Variants in KIF5A observed in about 807,000 individuals in gnomAD.
KIF5A encodes kinesin heavy chain isoform 5A.
KIF5A carries 35 observed loss-of-function variants against 141.3 expected under a neutral mutation model. That is an observed-to-expected ratio of 0.25 (90% confidence interval 0.19 to 0.33). KIF5A has a LOEUF of 0.33. Ranked by LOEUF, KIF5A falls within the 10% of genes least tolerant of loss-of-function variation. The pLI is 1.00. For missense variants in KIF5A, 861 were observed against 1,314.3 expected (o/e 0.66, Z 5.33); for synonymous variants, 448 against 500.2 (o/e 0.90, Z 1.39).
chr12:57,559,818 T>C (rs1039241663), intron 1 of KIF5A, among the ~76,000 whole-genome samples: 3 of 152,228 alleles, frequency 2.0e-5, no homozygotes, highest in African/African-American at 7.2e-5. Context: ...TCTTTTGTGT[T>C]TGGATTCTTT....
At chr12:57,566,278 A>G (rs146882514) in intron 6 of KIF5A, among the ~76,000 whole-genome samples, 1 of 151,334 alleles carries the variant, frequency 6.6e-6, no homozygotes, top group Non-Finnish European at 1.5e-5. Flanking sequence ...TTATTTTTGT[A>G]TTTTTAGTAG....
At chr12:57,569,121 C>T (rs111984710) in intron 9 of KIF5A, 54 bp downstream of exon 9, 7 of 1,556,066 alleles carry the variant, frequency 4.5e-6, no homozygotes, top group South Asian at 2.2e-5. Flanking sequence ...TCTCCTCCCC[C>T]ACCTGCTAAT....
At position 57,563,504 on chromosome 12, in the gene KIF5A, A is replaced by G; in HGVS notation, c.195A>G (p.Ala65=). The change falls in exon 2 of 29, where the codon GCA becomes GCG. Residue 65 remains alanine, a synonymous_variant. Transcript: ENST00000455537. ...PNTTQEQVYH[A]CAMQIVKDVL... ...CGACTCAAGAGCAAGTTTATCATGCATGTGCCATGCAGATTGTCAAAGGTA... is the reference window on the plus strand; with the variant it reads ...CGACTCAAGAGCAAGTTTATCATGCGTGTGCCATGCAGATTGTCAAAGGTA... The G allele has an allele frequency of 1.2e-6, 2 of 1,613,748 alleles. No homozygotes were observed. The highest frequency in any genetic ancestry group is 1.7e-6 in the Non-Finnish European group (2 of 1,179,674).
chr12:57,557,546 T>C (rs1241723382), intron 1 of KIF5A, among the ~76,000 whole-genome samples: 1 of 152,040 alleles, frequency 6.6e-6, no homozygotes, highest in African/African-American at 2.4e-5. Context: ...TAATTTGATG[T>C]ATTTTTCCAG....
At chr12:57,566,594 G>A (rs753025567) in intron 6 of KIF5A, among the ~76,000 whole-genome samples, 18 of 151,470 alleles carry the variant, frequency 1.2e-4, no homozygotes, top group Non-Finnish European at 2.5e-4. Context: ...ATTTTTAGTG[G>A]AGATGGGATT....
intron 1 of KIF5A, among the ~76,000 whole-genome samples, chr12:57,551,579 G>A (rs1881574561): frequency 6.6e-6 from 1 of 152,160 alleles, no homozygotes; most frequent in Non-Finnish European, 1.5e-5. Flanking sequence ...GAGGGGTGCT[G>A]GGCCAGGAAA....
intron 1 of KIF5A, among the ~76,000 whole-genome samples, chr12:57,552,851 C>T (rs1437285347): frequency 1.3e-5 from 2 of 152,076 alleles, no homozygotes; most frequent in East Asian, 1.9e-4. Flanking sequence ...CTGCTCTCCC[C>T]TTCGCCTCTG....
chr12:57,573,143 A>G (rs1006674107), intron 15 of KIF5A, among the ~76,000 whole-genome samples: 2 of 152,206 alleles, frequency 1.3e-5, no homozygotes, highest in Admixed American at 6.5e-5. Context: ...GTGAACTGAG[A>G]TCACACCACT....
Position 57,578,060 on chromosome 12 carries a change from G to A in KIF5A, c.2413G>A (p.Val805Ile), listed in dbSNP as rs1882480403. ...CCTTCGCAAGCTGTTCGTTCAAGACGTCACGACTCGAGTCAAGAAAGTGAG... is the reference window on the plus strand; with the variant it reads ...CCTTCGCAAGCTGTTCGTTCAAGACATCACGACTCGAGTCAAGAAAGTGAG... The part of the protein sequence containing the change: ...HNLRKLFVQD[V>I]TTRVKKSAEM... The change falls in exon 22 of 29, where the codon GTC (valine) becomes ATC (isoleucine). Residue 805 changes from valine (V) to isoleucine (I), a missense_variant. Physicochemically the swap from Val to Ile is conservative, Grantham distance 29. Transcript: ENST00000455537. 7 of 1,614,098 alleles carry A rather than the reference G, an allele frequency of 4.3e-6. No homozygotes were observed. The highest frequency in any genetic ancestry group is 1.1e-5 in the South Asian group (1 of 91,066).
intron 27 of KIF5A, 47 bp downstream of exon 27, chr12:57,582,676 G>T: frequency 1.3e-6 from 2 of 1,500,990 alleles, no homozygotes; most frequent in Non-Finnish European, 1.9e-6. Flanking sequence ...GGGACCAGAA[G>T]AAATGATTAA....
chr12:57,570,662 G>C (rs12821774), intron 12 of KIF5A, among the ~76,000 whole-genome samples: 8,376 of 152,260 alleles, frequency 0.055, 270 homozygotes, highest in East Asian at 0.09. Context: ...TTGGATTACA[G>C]GCGTGAGCCA....
chr12:57,574,737 T>C (rs1483072851), intron 15 of KIF5A, among the ~76,000 whole-genome samples: 2 of 151,856 alleles, frequency 1.3e-5, no homozygotes, highest in Non-Finnish European at 1.5e-5. Flanking sequence ...TGTGCCATGA[T>C]GCTTGGCTAA....
intron 1 of KIF5A, among the ~76,000 whole-genome samples, chr12:57,556,760 G>A: frequency 6.6e-6 from 1 of 152,058 alleles, no homozygotes. Context: ...TGGGTGCCTG[G>A]CTTCATGAAG....
intron 1 of KIF5A, among the ~76,000 whole-genome samples, chr12:57,555,925 G>A (rs991485785): frequency 3.2e-4 from 42 of 129,316 alleles, no homozygotes; most frequent in East Asian, 5.0e-4. Flanking sequence ...AAAAAAAAAA[G>A]AAAAAGAAAG....
intron 28 of KIF5A, 70 bp downstream of exon 28, chr12:57,583,285 T>C (rs1028676733): frequency 4.5e-5 from 38 of 852,414 alleles, no homozygotes; most frequent in Admixed American, 3.6e-4. Context: ...TCTTTGGTTT[T>C]CCTGCTGCTG....
In KIF5A at chr12:57,583,258, C is replaced by T. The variant is rs1246966725; in HGVS notation, c.*36+43C>T. On this transcript the variant is annotated intron_variant, in intron 28 of 28. Coordinates refer to ENST00000455537, the MANE Select transcript of KIF5A (RefSeq NM_004984.4). Reference sequence around the variant, plus strand: ...CCTCGGACCAGCCTCAGGTTGCTTCCCTTCTTGCTGACAGCCTCTTTGGTT... The same window carrying T: ...CCTCGGACCAGCCTCAGGTTGCTTCTCTTCTTGCTGACAGCCTCTTTGGTT... The T allele has an allele frequency of 3.4e-6, 4 of 1,175,398 alleles. No individual in the cohort carries two copies. The East Asian group carries it at 7.5e-5, about 22-fold the overall frequency. The allele number at this position is 1,175,398 out of a possible 1,614,324, so 72.8% of individuals were successfully genotyped here. A position where few individuals can be genotyped will look rare whatever the true frequency, so the allele number is the denominator to read the frequency against.
chr12:57,553,923 T>G lies in KIF5A; in HGVS notation c.129+3523T>G, dbSNP rs547221470. Among the ~76,000 whole-genome samples, 5 of 152,238 alleles carry G rather than the reference T, an allele frequency of 3.3e-5. No homozygotes were observed. In the East Asian group the frequency reaches 9.6e-4, roughly 29 times the overall value. ...ACATTTCTAAGAGGAGGAGGGACTC[T>G]GTGACTATTTCTCATTAACAACTCA... is the stretch of plus-strand genomic sequence containing the variant. On this transcript the variant is annotated intron_variant, in intron 1 of 28. Coordinates refer to ENST00000455537, the MANE Select transcript of KIF5A (RefSeq NM_004984.4).
chr12:57,575,744 G>A lies in KIF5A; in HGVS notation c.2010G>A (p.Lys670=), dbSNP rs747257366. Residue 670 remains lysine (K), a synonymous_variant, in exon 17 of 29, where the codon AAG becomes AAA. Coordinates refer to ENST00000455537, the MANE Select transcript of KIF5A (RefSeq NM_004984.4). The stretch of plus-strand genomic sequence containing the variant: ...ACTCCTTGAGCGATGAGCTGGCCAA[G>A]CTCCAGGCCCAGGGTGAGGCCTTCT... ...SYDSLSDELA[K]LQAQETVHEV... 6.2e-7 allele frequency: 1 copy of A among 1,613,490 alleles called. No homozygotes were observed. The highest frequency in any genetic ancestry group is 8.5e-7 in the Non-Finnish European group (1 of 1,179,384).
chr12:57,576,629 A>G (rs548461184), intron 19 of KIF5A, 132 bp from the exon 20 acceptor site: 1 of 762,006 alleles, frequency 1.3e-6, no homozygotes, highest in South Asian at 1.5e-5. Context: ...TGCCTCTGGT[A>G]TCTGAAGGTG....
Sources: allele counts gnomAD v4.1 joint callset (sites outside exome capture counted in the v4.1 genomes callset), GRCh38; gene constraint gnomAD v4.1.1; transcripts MANE v1.5; gene names NCBI Gene and HGNC (gene_info 2026-07-23, HGNC 2026-07-21).